The following DMD variants were observed in gnomAD, a reference collection of about 807,000 sequenced individuals.
DMD encodes mutant dystrophin.
Under a neutral mutation model 330.1 loss-of-function variants are expected in DMD, and 63 were observed. The observed-to-expected ratio is 0.19, with a 90% confidence interval of 0.16 to 0.24. The LOEUF is 0.24. Ranked by LOEUF, DMD falls within the 10% of genes least tolerant of loss-of-function variation. The probability of loss-of-function intolerance (pLI) is 1.00; values close to 1 mark genes in which losing one functional copy is unlikely to be tolerated. For missense variants in DMD, 3,344 were observed against 2,684.1 expected, an observed-to-expected ratio of 1.25 and a Z score of -5.43; for synonymous variants, 1,223 against 959.8, an observed-to-expected ratio of 1.27 and a Z score of -5.07.
chrX:31,673,030 T>C (rs939887175), intron 53 of DMD, among the ~76,000 whole-genome samples: 2 of 112,358 alleles, frequency 1.8e-5, no homozygotes, highest in African/African-American at 3.2e-5. Flanking sequence ...GCCATGTATA[T>C]AGGTTTATTC....
In DMD at chrX:33,223,183, C is replaced by T. The variant is rs774794824; in HGVS notation, c.7+116076G>A. On this transcript the variant is annotated intron_variant, in intron 1 of 17. Transcript: ENST00000288447. ...AAAATTAGCTGGGAGTGGTGGCACA[C>T]GCCTGTAATCCCAGCTACTTGAGAG... Among the ~76,000 whole-genome samples, 7 of 111,368 alleles carry T rather than the reference C, an allele frequency of 6.3e-5. No individual in the cohort carries two copies. In the East Asian group the frequency reaches 1.7e-3, roughly 27 times the overall value.
intron 61 of DMD, among the ~76,000 whole-genome samples, chrX:31,347,217 G>A (rs1461492579): frequency 9.1e-6 from 1 of 109,903 alleles, no homozygotes; most frequent in African/African-American, 3.3e-5. Context: ...ATTACTTTGA[G>A]TATTTGTCAT....
chrX:32,853,788 A>AAACAAC (rs1262701193), intron 2 of DMD, among the ~76,000 whole-genome samples: 3 of 101,824 alleles, frequency 2.9e-5, no homozygotes, highest in Non-Finnish European at 6.0e-5. Flanking sequence ...AAAAAAAAAC[A>AAACAAC]AACAACAACA....
At chrX:31,395,671 T>C (rs913827211) in intron 60 of DMD, among the ~76,000 whole-genome samples, 1 of 112,357 alleles carries the variant, frequency 8.9e-6, no homozygotes, top group African/African-American at 3.2e-5. Flanking sequence ...TGTGAAATAA[T>C]GGTGGCTGCT....
At chrX:32,963,429 TAGGCA>T (rs1167863979) in intron 2 of DMD, among the ~76,000 whole-genome samples, 105 of 112,277 alleles carry the variant, frequency 9.4e-4, no homozygotes, top group Non-Finnish European at 1.7e-3. Flanking sequence ...ATGCCAATGC[TAGGCA>T]TCCAAATTTG....
intron 6 of DMD, among the ~76,000 whole-genome samples, chrX:32,812,548 G>T (rs1351455527): frequency 8.9e-6 from 1 of 112,074 alleles, no homozygotes; most frequent in Non-Finnish European, 1.9e-5. Context: ...CAGTAGAATC[G>T]CTTGAACCTG....
At chrX:32,641,311 G>A (rs1384965308) in intron 11 of DMD, among the ~76,000 whole-genome samples, 1 of 108,043 alleles carries the variant, frequency 9.3e-6, no homozygotes, top group East Asian at 2.9e-4. Flanking sequence ...GCCAGACCTT[G>A]TATGATCATT....
chrX:32,704,707 A>T (rs181196714), intron 7 of DMD, among the ~76,000 whole-genome samples: 1 of 112,129 alleles, frequency 8.9e-6, no homozygotes, highest in East Asian at 2.8e-4. Context: ...GGTTTGTATT[A>T]GGAAACAAAA....
intron 62 of DMD, among the ~76,000 whole-genome samples, chrX:31,287,016 C>G (rs756805094): frequency 1.8e-5 from 2 of 112,470 alleles, no homozygotes; most frequent in African/African-American, 6.5e-5. Flanking sequence ...CTGCCCTCCT[C>G]GGCCTCCCAA....
intron 2 of DMD, among the ~76,000 whole-genome samples, chrX:32,906,205 C>G (rs1000988691): frequency 1.8e-5 from 2 of 111,309 alleles, no homozygotes; most frequent in Non-Finnish European, 3.8e-5. Context: ...ATGCTGTTCT[C>G]GCGATAGTGG....
At chrX:31,625,118 T>C (rs1397214558) in intron 55 of DMD, among the ~76,000 whole-genome samples, 1 of 111,935 alleles carries the variant, frequency 8.9e-6, no homozygotes, top group African/African-American at 3.2e-5. Flanking sequence ...AAATCAGGAG[T>C]TGGCTATAAA....
At chrX:31,750,674 G>A (rs1425836551) in intron 51 of DMD, among the ~76,000 whole-genome samples, 1 of 110,043 alleles carries the variant, frequency 9.1e-6, no homozygotes, top group Non-Finnish European at 1.9e-5. Flanking sequence ...GGAAATAAAG[G>A]GTATTCAATT....
At chrX:31,935,144 C>A (rs1398732254) in intron 45 of DMD, among the ~76,000 whole-genome samples, 1 of 111,214 alleles carries the variant, frequency 9.0e-6, no homozygotes, top group Non-Finnish European at 1.9e-5. Context: ...GATGCTTTTT[C>A]CTTCTTGGAG....
intron 7 of DMD, among the ~76,000 whole-genome samples, chrX:32,730,552 C>T (rs2067456818): frequency 9.0e-6 from 1 of 111,561 alleles, no homozygotes; most frequent in African/African-American, 3.3e-5. Flanking sequence ...GACGTTGAAT[C>T]ACATTTTGGA....
intron 44 of DMD, among the ~76,000 whole-genome samples, chrX:32,171,771 C>T (rs2096888584): frequency 9.0e-6 from 1 of 111,293 alleles, no homozygotes; most frequent in Non-Finnish European, 1.9e-5. Context: ...AAGATCTTTC[C>T]CATACATTTC....
At chrX:32,719,779 C>G (rs1289110716) in intron 7 of DMD, among the ~76,000 whole-genome samples, 1 of 109,896 alleles carries the variant, frequency 9.1e-6, no homozygotes, top group Non-Finnish European at 1.9e-5. Context: ...ATCAGTCAGT[C>G]AATATCCAAA....
At chrX:32,857,098 G>T (rs2081634871) in intron 2 of DMD, among the ~76,000 whole-genome samples, 1 of 110,962 alleles carries the variant, frequency 9.0e-6, no homozygotes, top group Non-Finnish European at 1.9e-5. Flanking sequence ...AATTTGAAGT[G>T]GAATGTTTGT....
chrX:33,041,814 T>C (rs1380306800), intron 1 of DMD: 30 of 809,890 alleles, frequency 3.7e-5, no homozygotes, highest in Admixed American at 2.6e-4. Flanking sequence ...TCAAGTAGTA[T>C]GAGAATGTGA....
Position 32,529,379 on chromosome X carries a change from C to CTTTTT in DMD, c.2169-11253_2169-11249dup, listed in dbSNP as rs777955346. On this transcript the variant is annotated intron_variant, in intron 17 of 78. Transcript: ENST00000357033. ...CGAATTCCACCTTGGCAAAAATCAA[C>CTTTTT]TTTTTTTTTTTTTTTTTTTTTTTTT... 1.3e-4 allele frequency among the ~76,000 whole-genome samples: 4 copies of CTTTTT among 31,063 alleles called. 1 individual carries two copies. The highest frequency in any genetic ancestry group is 5.8e-4 in the African/African-American group (4 of 6,923). The allele number at this position is 31,063 out of a possible 115,157, so 27.0% of individuals were successfully genotyped here.
Sources: gnomAD v4.1 joint callset for allele counts (sites outside exome capture counted in the v4.1 genomes callset) on GRCh38, gnomAD v4.1.1 for gene constraint, MANE v1.5 for transcripts, NCBI Gene and HGNC (gene_info 2026-07-23, HGNC 2026-07-21) for gene names.